The following MOB4 variants were observed in gnomAD, a reference collection of about 807,000 sequenced individuals.
MOB4 encodes the protein MOB-like protein phocein.
Under a neutral mutation model 32.2 loss-of-function variants are expected in MOB4, and 4 were observed. That is an observed-to-expected ratio of 0.12 (90% CI 0.06 to 0.28). The LOEUF (loss-of-function observed/expected upper bound fraction) is 0.28, where lower values mean the gene tolerates loss of function less well. MOB4 is among the 10% of genes least tolerant of loss of function. The pLI is 1.00. For missense variants in MOB4, 158 were observed against 271.2 expected, an observed-to-expected ratio of 0.58 and a Z score of 2.93; for synonymous variants, 88 against 88.1, an observed-to-expected ratio of 1.00 and a Z score of 0.01.
chr2:197,541,438 A>G (rs2086893542), intron 5 of MOB4, among the ~76,000 whole-genome samples: 1 of 152,236 alleles, frequency 6.6e-6, no homozygotes, highest in Non-Finnish European at 1.5e-5. Flanking sequence ...TTATATTGAT[A>G]GACTTCTAAG....
intron 2 of MOB4, among the ~76,000 whole-genome samples, chr2:197,530,001 A>G (rs997401961): frequency 1.4e-5 from 2 of 139,206 alleles, no homozygotes; most frequent in Non-Finnish European, 3.1e-5. Context: ...ATGGAGTCTC[A>G]CTCTGTCTCC....
At chr2:197,539,787 T>C (rs887781646) in intron 3 of MOB4, among the ~76,000 whole-genome samples, 1 of 152,258 alleles carries the variant, frequency 6.6e-6, no homozygotes, top group African/African-American at 2.4e-5. Flanking sequence ...CTTAGAAGAA[T>C]GACTTAGTCG....
intron 2 of MOB4, among the ~76,000 whole-genome samples, chr2:197,524,349 G>A (rs2086571134): frequency 6.6e-6 from 1 of 151,748 alleles, no homozygotes; most frequent in Non-Finnish European, 1.5e-5. Flanking sequence ...TGGCCAACAT[G>A]GTGAAACCCT....
chr2:197,517,466 G>A (rs906880788), intron 1 of MOB4, among the ~76,000 whole-genome samples: 1 of 152,004 alleles, frequency 6.6e-6, no homozygotes. Context: ...TTATTCTGTG[G>A]AAACATTGTT....
At chr2:197,516,269 C>G (rs916112689) in intron 1 of MOB4, 123 bp downstream of exon 1, 9 of 1,471,854 alleles carry the variant, frequency 6.1e-6, no homozygotes, top group Non-Finnish European at 7.2e-6. Flanking sequence ...GGCACTGGTG[C>G]CCGGCCTGCT....
chr2:197,516,182 G>T, intron 1 of MOB4, 36 bp downstream of exon 1: 1 of 1,570,366 alleles, frequency 6.4e-7, no homozygotes, highest in Non-Finnish European at 8.6e-7. Context: ...GGGCAACTAG[G>T]TGCCGAGCAG....
chr2:197,547,595 A>G lies in MOB4; in HGVS notation c.355-741A>G, dbSNP rs2087019730. 2.0e-5 allele frequency among the ~76,000 whole-genome samples: 3 copies of G among 152,176 alleles called. No homozygotes were observed. In the South Asian group the frequency reaches 6.2e-4, roughly 32 times the overall value. The stretch of plus-strand genomic sequence containing the variant: ...AGTTACTAAACCGTATTTCTAAGTG[A>G]CAGCTTCAGTCTCAAACTTGAAAAA... On this transcript the variant is annotated intron_variant, in intron 5 of 7. Coordinates refer to ENST00000323303, the MANE Select transcript of MOB4 (RefSeq NM_015387.5).
Position 197,540,103 on chromosome 2 carries a change from A to C in MOB4, c.225-8A>C, listed in dbSNP as rs575853132. On this transcript the variant is annotated splice_region_variant and splice_polypyrimidine_tract_variant and intron_variant, in intron 3 of 7. Coordinates refer to ENST00000323303, the MANE Select transcript of MOB4 (RefSeq NM_015387.5). The stretch of plus-strand genomic sequence containing the variant: ...TATGACTTTTTATTTATGTATTTGC[A>C]TTTTCAGGCAGTTCTGCCTTGAGCT... 6.3e-7 allele frequency: 1 copy of C among 1,592,310 alleles called. No individual in the cohort carries two copies. Among genetic ancestry groups the C allele is most frequent in the South Asian group, 1.2e-5 (1 of 86,164 alleles).
intron 6 of MOB4, among the ~76,000 whole-genome samples, chr2:197,549,916 T>C (rs1199645488): frequency 7.1e-6 from 1 of 140,058 alleles, no homozygotes; most frequent in East Asian, 2.1e-4. Context: ...TTCTGTAAAA[T>C]AAAACAATAA....
At chr2:197,523,595 G>T (rs1559314702) in intron 1 of MOB4, 29 bp from the exon 2 acceptor site, 1 of 1,597,580 alleles carries the variant, frequency 6.3e-7, no homozygotes, top group Admixed American at 1.8e-5. Flanking sequence ...TATTTTGTAT[G>T]TGCTTTAACC....
chr2:197,516,296 C>T, intron 1 of MOB4, 150 bp downstream of exon 1: 1 of 1,440,832 alleles, frequency 6.9e-7, no homozygotes, highest in South Asian at 1.5e-5. Context: ...GAGCTGCAGC[C>T]CCTCAATTTG....
At position 197,523,607 on chromosome 2, in the gene MOB4, T is replaced by C. The variant is rs745777224; in HGVS notation, c.61-17T>C. 6.2e-7 allele frequency: 1 copy of C among 1,606,876 alleles called. No homozygotes were observed. The highest frequency in any genetic ancestry group is 1.1e-5 in the South Asian group (1 of 88,976). The stretch of plus-strand genomic sequence containing the variant: ...TAGTATTTTGTATGTGCTTTAACCG[T>C]GAATTTATTTTTATAGGATTTCTAT... On this transcript the variant is annotated splice_polypyrimidine_tract_variant and intron_variant, in intron 1 of 7. Transcript: ENST00000323303.
chr2:197,528,616 CTT>C (rs60927398), intron 2 of MOB4, among the ~76,000 whole-genome samples: 28 of 131,636 alleles, frequency 2.1e-4, no homozygotes, highest in South Asian at 7.2e-4. Flanking sequence ...TTTTCTTTTT[CTT>C]TTTTTTTTTT....
At position 197,552,354 on chromosome 2, in the gene MOB4, GT is replaced by G. The variant is rs1296751903; in HGVS notation, c.*1710del. 2 of 152,334 alleles carry G rather than the reference GT, an allele frequency of 1.3e-5. No homozygotes were observed. Among genetic ancestry groups the G allele is most frequent in the East Asian group, 3.7e-4 (2 of 5,342 alleles). 9.4% of individuals were successfully genotyped at this position (152,334 alleles called of 1,614,324 possible). A position where few individuals can be genotyped will look rare whatever the true frequency, so the allele number is the denominator to read the frequency against. On this transcript the variant is annotated 3_prime_UTR_variant, in exon 8 of 8. Coordinates refer to ENST00000323303, the MANE Select transcript of MOB4 (RefSeq NM_015387.5). ...AAATATTGAGAAACTAAACTACTAA[GT>G]TAATAAATTATATATAGCAGTGTAG...
intron 1 of MOB4, among the ~76,000 whole-genome samples, chr2:197,517,765 T>C (rs967643735): frequency 2.0e-5 from 3 of 152,226 alleles, no homozygotes; most frequent in African/African-American, 7.2e-5. Flanking sequence ...GAATTTCGTT[T>C]AGTGAAATGG....
intron 3 of MOB4, among the ~76,000 whole-genome samples, chr2:197,538,537 A>G (rs1019014012): frequency 6.6e-6 from 1 of 152,102 alleles, no homozygotes; most frequent in African/African-American, 2.4e-5. Flanking sequence ...TTGAGTCTTA[A>G]TGATTAGGAA....
At chr2:197,517,537 A>T (rs2086436285) in intron 1 of MOB4, among the ~76,000 whole-genome samples, 1 of 152,170 alleles carries the variant, frequency 6.6e-6, no homozygotes, top group Non-Finnish European at 1.5e-5. Context: ...GAGTCATCTC[A>T]TTTATTCATA....
At chr2:197,524,110 A>T (rs2086567495) in intron 2 of MOB4, among the ~76,000 whole-genome samples, 2 of 152,120 alleles carry the variant, frequency 1.3e-5, no homozygotes, top group South Asian at 4.1e-4. Context: ...GGTGGCACAC[A>T]CCTGTAGTCC....
At chr2:197,529,184 G>C (rs550312239) in intron 2 of MOB4, among the ~76,000 whole-genome samples, 1 of 151,700 alleles carries the variant, frequency 6.6e-6, no homozygotes, top group African/African-American at 2.4e-5. Flanking sequence ...CACCATGTTG[G>C]TCAAGCTGGT....
Sources: allele counts gnomAD v4.1 joint callset (sites outside exome capture counted in the v4.1 genomes callset), GRCh38; gene constraint gnomAD v4.1.1; transcripts MANE v1.5; gene names NCBI Gene and HGNC (gene_info 2026-07-23, HGNC 2026-07-21).